Variants in MAGI2 observed in about 807,000 individuals in gnomAD.
MAGI2 encodes the protein membrane associated guanylate kinase, WW and PDZ domain containing 2, also known as membrane-associated guanylate kinase, WW and PDZ domain-containing protein 2.
A neutral mutation model predicts 133.3 loss-of-function variants in MAGI2; 35 were observed. The observed-to-expected ratio is 0.26, with a 90% CI of 0.20 to 0.35. MAGI2 has a LOEUF of 0.35. Ranked by LOEUF, MAGI2 falls within the 10% of genes least tolerant of loss-of-function variation. The pLI is 1.00. For synonymous variants in MAGI2, 729 were observed against 710.6 expected, an observed-to-expected ratio of 1.03 and a Z score of -0.41; for missense variants, 1,636 against 1,863.4, an observed-to-expected ratio of 0.88 and a Z score of 2.25.
At chr7:78,784,968 C>T (rs1179475436) in intron 2 of MAGI2, among the ~76,000 whole-genome samples, 1 of 152,110 alleles carries the variant, frequency 6.6e-6, no homozygotes, top group African/African-American at 2.4e-5. Context: ...TCTAAAGGTT[C>T]TTGTTAGGCG....
intron 9 of MAGI2, among the ~76,000 whole-genome samples, chr7:78,297,759 C>T (rs1161499415): frequency 6.1e-5 from 9 of 147,438 alleles, no homozygotes; most frequent in Middle Eastern, 6.9e-3. Context: ...TATTCTCACT[C>T]ATAGGTGGGA....
chr7:78,153,324 G>A (rs901274739), intron 16 of MAGI2, among the ~76,000 whole-genome samples: 1 of 152,212 alleles, frequency 6.6e-6, no homozygotes, highest in African/African-American at 2.4e-5. Context: ...AAAGGGGCGT[G>A]CCTTAAATGT....
At chr7:79,036,661 A>ATT (rs5885109) in intron 1 of MAGI2, among the ~76,000 whole-genome samples, 12 of 151,614 alleles carry the variant, frequency 7.9e-5, no homozygotes, top group South Asian at 4.2e-4. Flanking sequence ...ATTTTCAGGG[A>ATT]TTTTTTTTTC....
chr7:78,411,580 A>AT (rs1485163113), intron 6 of MAGI2, among the ~76,000 whole-genome samples: 3 of 152,046 alleles, frequency 2.0e-5, no homozygotes, highest in South Asian at 4.1e-4. Context: ...AAATGAAGGC[A>AT]TTTTTTTGGT....
chr7:79,212,914 G>A (rs758687703), intron 1 of MAGI2, among the ~76,000 whole-genome samples: 1 of 151,946 alleles, frequency 6.6e-6, no homozygotes, highest in Non-Finnish European at 1.5e-5. Flanking sequence ...GGGGTTTTCT[G>A]TTCTTCCATG....
intron 1 of MAGI2, among the ~76,000 whole-genome samples, chr7:79,010,372 A>T (rs1025105435): frequency 6.6e-6 from 1 of 152,110 alleles, no homozygotes; most frequent in Non-Finnish European, 1.5e-5. Flanking sequence ...AACAACAGAC[A>T]TTGGGCAATG....
intron 21 of MAGI2, among the ~76,000 whole-genome samples, chr7:78,034,198 T>C (rs1015897436): frequency 9.2e-5 from 14 of 152,178 alleles, no homozygotes; most frequent in African/African-American, 3.4e-4. Flanking sequence ...CAAAGTGACA[T>C]GCCCTTAAGG....
chr7:79,125,890 G>T (rs1224261243), intron 1 of MAGI2: 1 of 426,008 alleles, frequency 2.3e-6, no homozygotes, highest in African/African-American at 2.0e-5. Flanking sequence ...AGGTTACAAA[G>T]GATTTATGGG....
chr7:78,400,415 A>C (rs1324145243), intron 6 of MAGI2, among the ~76,000 whole-genome samples: 1 of 152,198 alleles, frequency 6.6e-6, no homozygotes, highest in Non-Finnish European at 1.5e-5. Context: ...ATATATTGTC[A>C]ATCTTAATTA....
intron 1 of MAGI2, among the ~76,000 whole-genome samples, chr7:79,140,564 A>C (rs1377925310): frequency 1.3e-5 from 2 of 152,202 alleles, no homozygotes; most frequent in Non-Finnish European, 2.9e-5. Flanking sequence ...AGGACGATGA[A>C]AAACAGTAAA....
intron 2 of MAGI2, among the ~76,000 whole-genome samples, chr7:78,923,148 G>T (rs896650868): frequency 3.3e-5 from 5 of 152,270 alleles, no homozygotes; most frequent in African/African-American, 7.2e-5. Context: ...TAGGTTGCCT[G>T]TTCACACTGA....
intron 9 of MAGI2, among the ~76,000 whole-genome samples, chr7:78,257,015 A>G (rs999800115): frequency 3.3e-5 from 5 of 152,130 alleles, no homozygotes; most frequent in South Asian, 4.1e-4. Flanking sequence ...TTTTTTTTGT[A>G]TAAGTTGAAT....
chr7:78,960,398 G>C (rs1477984075), intron 2 of MAGI2, among the ~76,000 whole-genome samples: 1 of 152,108 alleles, frequency 6.6e-6, no homozygotes, highest in African/African-American at 2.4e-5. Flanking sequence ...AAGGGAGCCA[G>C]TAGGACTGTA....
intron 1 of MAGI2, among the ~76,000 whole-genome samples, chr7:79,438,642 T>C (rs1000961579): frequency 5.3e-5 from 8 of 151,992 alleles, no homozygotes; most frequent in Non-Finnish European, 5.9e-5. Context: ...TGAAAGTCAT[T>C]TTTGCCTAGT....
chr7:78,852,507 A>T (rs1452644686), intron 2 of MAGI2, among the ~76,000 whole-genome samples: 1 of 152,166 alleles, frequency 6.6e-6, no homozygotes, highest in East Asian at 1.9e-4. Context: ...TTAAAAGTTT[A>T]TATTTTCCTC....
At position 78,119,207 on chromosome 7, in the gene MAGI2, A is replaced by G. The variant is rs142647524; in HGVS notation, c.3567+6487T>C. On this transcript the variant is annotated intron_variant, in intron 20 of 21. Coordinates refer to ENST00000354212, the MANE Select transcript of MAGI2 (RefSeq NM_012301.4). ...GGAGAATTTTTAGAGCAGTAAAAAT[A>G]CTCTTTATGATACTATAATGTGGAT... is the stretch of plus-strand genomic sequence containing the variant. 6.6e-5 allele frequency among the ~76,000 whole-genome samples: 10 copies of G among 152,192 alleles called. No individual in the cohort carries two copies. The East Asian group carries it at 1.7e-3, about 27-fold the overall frequency.
At position 78,555,723 on chromosome 7, in the gene MAGI2, G is replaced by A. The variant is rs533045640; in HGVS notation, c.539-34078C>T. Among the ~76,000 whole-genome samples the A allele has an allele frequency of 7.2e-5, 11 of 152,196 alleles. No homozygotes were observed. In the South Asian group the frequency reaches 2.3e-3, roughly 32 times the overall value. ...AAAAAAGCTTACCATTACCACATTT[G>A]AGAAAGTCAATAAACATTTTTCATG... is the stretch of plus-strand genomic sequence containing the variant. On this transcript the variant is annotated intron_variant, in intron 3 of 21. Transcript: ENST00000354212.
chr7:79,137,494 TTGTAG>T (rs896935811), intron 1 of MAGI2, among the ~76,000 whole-genome samples: 1 of 149,600 alleles, frequency 6.7e-6, no homozygotes, highest in Non-Finnish European at 1.5e-5. Context: ...GTCGCCTAGT[TTGTAG>T]TGTAGTGTAG....
At chr7:79,448,895 A>T (rs1228007638) in intron 1 of MAGI2, among the ~76,000 whole-genome samples, 1 of 152,160 alleles carries the variant, frequency 6.6e-6, no homozygotes, top group Non-Finnish European at 1.5e-5. Context: ...ATTCGAGGTC[A>T]TACCATTTAA....
Sources: allele counts gnomAD v4.1 joint callset (sites outside exome capture counted in the v4.1 genomes callset), GRCh38; gene constraint gnomAD v4.1.1; transcripts MANE v1.5; gene names NCBI Gene and HGNC (gene_info 2026-07-23, HGNC 2026-07-21).